The following CCDC183 variants were observed in gnomAD, a reference collection of about 807,000 sequenced individuals.
CCDC183 encodes the protein coiled-coil domain containing 183.
CCDC183 carries 63 observed loss-of-function variants against 65.2 expected under a neutral mutation model. The observed-to-expected ratio is 0.97, with a 90% CI of 0.79 to 1.19. The LOEUF (loss-of-function observed/expected upper bound fraction) is 1.19, where lower values mean the gene tolerates loss of function less well. Ranked by LOEUF, CCDC183 falls within the 50% of genes most tolerant of loss-of-function variation. CCDC183 has a pLI of 0.00. For synonymous variants in CCDC183, 323 were observed against 276.5 expected, an observed-to-expected ratio of 1.17 and a Z score of -1.67; for missense variants, 769 against 689.3, an observed-to-expected ratio of 1.12 and a Z score of -1.30.
chr9:136,805,526 C>A, intron 9 of CCDC183, 69 bp downstream of exon 9: 2 of 1,380,702 alleles, frequency 1.4e-6, no homozygotes, highest in Non-Finnish European at 2.0e-6. Flanking sequence ...GGTAATGCTC[C>A]CTGGCACTCC....
chr9:136,807,452 G>C (rs889503125), intron 13 of CCDC183, 120 bp from the exon 14 acceptor site: 33 of 1,273,484 alleles, frequency 2.6e-5, no homozygotes, highest in Non-Finnish European at 3.5e-5. Flanking sequence ...CGGCACGCTG[G>C]GGCTGTCCCT....
At chr9:136,800,203 T>A in intron 4 of CCDC183, 34 bp downstream of exon 4, 1 of 363,078 alleles carries the variant, frequency 2.8e-6, no homozygotes, top group Non-Finnish European at 4.3e-6. Context: ...CGGGGCGGAG[T>A]CCACTGGGGC....
chr9:136,803,894 G>C (rs566099557), intron 6 of CCDC183: 2 of 155,264 alleles, frequency 1.3e-5, no homozygotes, highest in Non-Finnish European at 2.8e-5. Flanking sequence ...GGAGCCCTGG[G>C]AGGAGGTGGA....
chr9:136,803,229 GCCA>G (rs1847775442), intron 6 of CCDC183, among the ~76,000 whole-genome samples: 1 of 88,992 alleles, frequency 1.1e-5, no homozygotes, highest in East Asian at 3.1e-4. Flanking sequence ...GCCCCCCAGG[GCCA>G]GCCCTCTTGG....
chr9:136,805,388 G>A lies in CCDC183; in HGVS notation c.879G>A (p.Met293Ile), dbSNP rs543602452. The A allele has an allele frequency of 1.5e-5, 24 of 1,613,878 alleles. 1 individual carries two copies. Among genetic ancestry groups the A allele is most frequent in the African/African-American group, 8.0e-5 (6 of 74,944 alleles). The change falls in exon 9 of 14, where the codon ATG (methionine) becomes ATA (isoleucine). Residue 293 changes from methionine (M) to isoleucine (I), a missense_variant. Transcript: ENST00000338005. ...LRRKETSTAE[M>I]EYQSGVTAVV... ...GAAAAGAGACCTCCACAGCAGAAAT[G>A]GAATACCAGTCGGGCGTGACTGCTG... is the stretch of plus-strand genomic sequence containing the variant.
chr9:136,800,451 C>T lies in CCDC183; in HGVS notation c.501C>T (p.Asn167=), dbSNP rs376775958. 1.2e-6 allele frequency: 2 copies of T among 1,613,012 alleles called. No homozygotes were observed. Among genetic ancestry groups the T allele is most frequent in the African/African-American group, 2.7e-5 (2 of 75,028 alleles). ...KTMIKIITSQ[N]IHLLYLDLLD... ...TGATCAAGATCATCACCAGCCAGAACATCCACCTGCTGTATTTGGACCTGC... is the reference window on the plus strand; with the variant it reads ...TGATCAAGATCATCACCAGCCAGAATATCCACCTGCTGTATTTGGACCTGC... The change falls in exon 5 of 14, where the codon AAC becomes AAT. Residue 167 remains asparagine (N), a synonymous_variant. Coordinates refer to ENST00000338005, the MANE Select transcript of CCDC183 (RefSeq NM_001039374.5).
chr9:136,800,067 C>T lies in CCDC183; in HGVS notation c.336C>T (p.His112=). The T allele has an allele frequency of 6.3e-7, 1 of 1,581,972 alleles. No individual in the cohort carries two copies. Among genetic ancestry groups the T allele is most frequent in the Non-Finnish European group, 8.6e-7 (1 of 1,165,106 alleles). The change falls in exon 4 of 14, where the codon CAC becomes CAT. Residue 112 remains histidine (H), a synonymous_variant. Transcript: ENST00000338005. Reference sequence around the variant, plus strand: ...TGAACATGCACAACCTACTGATCCACCTGGTGCGGCGGCGCGGGCAGAAGC... The same window carrying T: ...TGAACATGCACAACCTACTGATCCATCTGGTGCGGCGGCGCGGGCAGAAGC... ...DRVNMHNLLI[H]LVRRRGQKLE... is the part of the protein sequence containing the mutation.
In CCDC183 at chr9:136,802,724, T is replaced by C. The variant is rs376014345; in HGVS notation, c.604T>C (p.Ser202Pro). 76 of 1,613,578 alleles carry C rather than the reference T, an allele frequency of 4.7e-5. No individual in the cohort carries two copies. Among genetic ancestry groups the C allele is most frequent in the Admixed American group, 1.3e-4 (8 of 59,994 alleles). ...KLQNLVVNYC[S>P]ELSDMKIMSQ... ...GCAGAACCTCGTGGTCAACTACTGCTCAGAGCTGTCGGATATGAAGATCAT... is the reference window on the plus strand; with the variant it reads ...GCAGAACCTCGTGGTCAACTACTGCCCAGAGCTGTCGGATATGAAGATCAT... Residue 202 changes from serine to proline, a missense_variant, in exon 6 of 14, where the codon TCA (serine) becomes CCA (proline). Transcript: ENST00000338005.
At position 136,800,788 on chromosome 9, in the gene CCDC183, G is replaced by C. The variant is rs1437235730; in HGVS notation, c.543+295G>C. Reference sequence around the variant, plus strand: ...TTTCTCATTGCCTGGGCCTCTGAGAGTCAGACAGGTCCTGCACCCTCAGAA... The same window carrying C: ...TTTCTCATTGCCTGGGCCTCTGAGACTCAGACAGGTCCTGCACCCTCAGAA... On this transcript the variant is annotated intron_variant, in intron 5 of 13. Coordinates refer to ENST00000338005, the MANE Select transcript of CCDC183 (RefSeq NM_001039374.5). 12 of 365,934 alleles carry C rather than the reference G, an allele frequency of 3.3e-5. No individual in the cohort carries two copies. The East Asian group carries it at 8.4e-4, about 26-fold the overall frequency. The allele number at this position is 365,934 out of a possible 1,614,324, so 22.7% of individuals were successfully genotyped here. A position where few individuals can be genotyped will look rare whatever the true frequency, so the allele number is the denominator to read the frequency against.
intron 13 of CCDC183, 92 bp from the exon 14 acceptor site, chr9:136,807,480 C>G: frequency 6.9e-7 from 1 of 1,441,446 alleles, no homozygotes; most frequent in Non-Finnish European, 9.2e-7. Flanking sequence ...GGCACCTGGC[C>G]CGGGTCGGTG....
chr9:136,802,611 G>A (rs1028205733), intron 5 of CCDC183, 53 bp from the exon 6 acceptor site: 3 of 1,552,280 alleles, frequency 1.9e-6, no homozygotes, highest in Admixed American at 2.0e-5. Flanking sequence ...TAAAAGCTCG[G>A]GGCAACTGCA....
rs761422895 is a variant in CCDC183, at chr9:136,799,982, C to T, written c.271-20C>T. The stretch of plus-strand genomic sequence containing the variant: ...GGCCCCCTACGCAACCACGAGTGGG[C>T]GGTGCCCTTCCCGACCCAGGTGGTG... On this transcript the variant is annotated intron_variant, in intron 3 of 13. Transcript: ENST00000338005. 2 of 1,574,230 alleles carry T rather than the reference C, an allele frequency of 1.3e-6. No homozygotes were observed. The highest frequency in any genetic ancestry group is 1.7e-6 in the Non-Finnish European group (2 of 1,160,612).
intron 9 of CCDC183, 125 bp from the exon 10 acceptor site, chr9:136,805,953 T>C: frequency 2.6e-6 from 2 of 766,000 alleles, no homozygotes; most frequent in South Asian, 3.7e-5. Context: ...GTGATCACAC[T>C]TGTGAATGAG....
rs1384790287 is a variant in CCDC183 at position 136,804,667 on chromosome 9, A to G, written c.792+40A>G. 2 of 1,612,870 alleles carry G rather than the reference A, an allele frequency of 1.2e-6. No homozygotes were observed. The highest frequency in any genetic ancestry group is 2.2e-5 in the East Asian group (1 of 44,850). Reference sequence around the variant, plus strand: ...AGGGCCTGGCTGGCTGCCCATCCCCATGACAGCTGGGTGGACACAGGCTCA... The same window carrying G: ...AGGGCCTGGCTGGCTGCCCATCCCCGTGACAGCTGGGTGGACACAGGCTCA... On this transcript the variant is annotated intron_variant, in intron 7 of 13. Coordinates refer to ENST00000338005, the MANE Select transcript of CCDC183 (RefSeq NM_001039374.5). The surrounding 1 kb of genome is among the most constrained non-coding windows in gnomAD (Gnocchi z 4.1).
chr9:136,807,343 C>G, intron 13 of CCDC183: 1 of 662,896 alleles, frequency 1.5e-6, no homozygotes. Flanking sequence ...CAGGGAGGAG[C>G]GCGGTGAAGG....
At chr9:136,807,377 G>T in intron 13 of CCDC183, 195 bp from the exon 14 acceptor site, 1 of 751,318 alleles carries the variant, frequency 1.3e-6, no homozygotes, top group Non-Finnish European at 2.1e-6. Flanking sequence ...TTCCACTGGG[G>T]GTTCTGCGGG....
Position 136,807,730 on chromosome 9 carries a change from A to C in CCDC183, c.*40A>C. On this transcript the variant is annotated 3_prime_UTR_variant, in exon 14 of 14. Coordinates refer to ENST00000338005, the MANE Select transcript of CCDC183 (RefSeq NM_001039374.5). ...TCCCTGCTTTGCTACACAAATAAAC[A>C]TTTTTCCAGGACTGCTGCGGACGCT... is the stretch of plus-strand genomic sequence containing the variant. 6.4e-7 allele frequency: 1 copy of C among 1,565,528 alleles called. No individual in the cohort carries two copies. The highest frequency in any genetic ancestry group is 1.9e-5 in the Admixed American group (1 of 53,750).
rs1207651842 is a variant in CCDC183, at chr9:136,805,439, A to T, written c.930A>T (p.Val310=). The T allele has an allele frequency of 6.2e-7, 1 of 1,613,980 alleles. No homozygotes were observed. ...TGGTGGAGAAGGTCAAGAGTGCTGT[A>T]CGGTGCTCTCACGTCTGGGTAATGC... ...TAVVEKVKSA[V]RCSHVWDITS... Residue 310 remains valine (V), a synonymous_variant, in exon 9 of 14, where the codon GTA becomes GTT. Transcript: ENST00000338005.
Position 136,799,804 on chromosome 9 carries a change from A to G in CCDC183, c.270+14A>G. 1 of 1,609,802 alleles carries G rather than the reference A, an allele frequency of 6.2e-7. No individual in the cohort carries two copies. Among genetic ancestry groups the G allele is most frequent in the Non-Finnish European group, 8.5e-7 (1 of 1,177,656 alleles). On this transcript the variant is annotated intron_variant, in intron 3 of 13. Coordinates refer to ENST00000338005, the MANE Select transcript of CCDC183 (RefSeq NM_001039374.5). ...AGCACCATGGAGGTAACCAGGCAGG[A>G]GGGGCCTCGAGACCCAACCCTCCCC...
Sources: allele counts gnomAD v4.1 joint callset (sites outside exome capture counted in the v4.1 genomes callset), GRCh38; gene constraint gnomAD v4.1.1; non-coding constraint Gnocchi (gnomAD v3.1); transcripts MANE v1.5; gene names NCBI Gene and HGNC (gene_info 2026-07-23, HGNC 2026-07-21).